ASAP1: variants seen among roughly 807,000 people sequenced by gnomAD.
ASAP1 encodes ArfGAP with SH3 domain, ankyrin repeat and PH domain 1.
Under a neutral mutation model 145.2 loss-of-function variants are expected in ASAP1, and 43 were observed. The ratio of observed to expected loss-of-function variants is 0.30; its 90% confidence interval spans 0.23 to 0.38. The LOEUF (loss-of-function observed/expected upper bound fraction) is 0.38. ASAP1 is among the 10% of genes least tolerant of loss of function. The probability of loss-of-function intolerance (pLI) is 1.00; values close to 1 mark genes in which losing one functional copy is unlikely to be tolerated. For synonymous variants in ASAP1, 546 were observed against 515.5 expected (o/e 1.06, Z -0.80); for missense variants, 1,018 against 1,355.3 (o/e 0.75, Z 3.91).
chr8:130,077,702 C>T (rs1313760083), intron 26 of ASAP1, among the ~76,000 whole-genome samples: 6 of 152,014 alleles, frequency 3.9e-5, no homozygotes, highest in African/African-American at 1.4e-4. Context: ...GCCAAACCAA[C>T]CAACAAAACA....
At position 130,197,717 on chromosome 8, in the gene ASAP1, T is replaced by C. The variant is rs539096036; in HGVS notation, c.406-9534A>G. 9.2e-5 allele frequency among the ~76,000 whole-genome samples: 14 copies of C among 152,248 alleles called. 1 individual carries two copies. In the South Asian group the frequency reaches 2.9e-3, roughly 31 times the overall value. ...ACCCTGTGGCAGATGCACCTGAATG[T>C]GTGTTCTGAGTTAGGGAATCCCAGG... On this transcript the variant is annotated intron_variant, in intron 5 of 29. Transcript: ENST00000518721.
At chr8:130,178,584 A>T (rs1175748164) in intron 9 of ASAP1, among the ~76,000 whole-genome samples, 1 of 152,248 alleles carries the variant, frequency 6.6e-6, no homozygotes, top group Non-Finnish European at 1.5e-5. Flanking sequence ...CTTATTTTAG[A>T]TGAAACAAAA....
intron 3 of ASAP1, among the ~76,000 whole-genome samples, chr8:130,285,065 TC>T (rs1301578972): frequency 6.6e-6 from 1 of 152,176 alleles, no homozygotes; most frequent in African/African-American, 2.4e-5. Context: ...TCCTAGTGGT[TC>T]CTTATAATTT....
chr8:130,130,408 T>C (rs928004519), intron 15 of ASAP1, among the ~76,000 whole-genome samples: 2 of 152,174 alleles, frequency 1.3e-5, no homozygotes, highest in African/African-American at 2.4e-5. Context: ...ATAAAGAAGT[T>C]TGTCATGATA....
intron 27 of ASAP1, among the ~76,000 whole-genome samples, chr8:130,061,294 G>A (rs1164300575): frequency 3.3e-5 from 5 of 152,072 alleles, no homozygotes; most frequent in Admixed American, 3.3e-4. Context: ...TATAAGAACA[G>A]GATGTCTACA....
chr8:130,074,756 G>C (rs1376043900), intron 27 of ASAP1, among the ~76,000 whole-genome samples: 1 of 152,248 alleles, frequency 6.6e-6, no homozygotes, highest in Non-Finnish European at 1.5e-5. Flanking sequence ...CTCCTAAGGA[G>C]AGGAGAGACA....
chr8:130,419,385 G>A (rs1026395133), intron 1 of ASAP1, among the ~76,000 whole-genome samples: 2 of 152,176 alleles, frequency 1.3e-5, no homozygotes, highest in African/African-American at 2.4e-5. Context: ...GGAGGTTTCT[G>A]AGAAAGCCCT....
intron 20 of ASAP1, among the ~76,000 whole-genome samples, 174 bp from the exon 21 acceptor site, chr8:130,117,169 A>G (rs1470312903): frequency 6.6e-6 from 1 of 152,258 alleles, no homozygotes; most frequent in African/African-American, 2.4e-5. Context: ...GATAACAGGC[A>G]GTATTTATTT....
chr8:130,392,025 C>G (rs1391891030), intron 2 of ASAP1, among the ~76,000 whole-genome samples: 1 of 152,224 alleles, frequency 6.6e-6, no homozygotes, highest in Admixed American at 6.5e-5. Context: ...ATCTATAGCA[C>G]TTACGTTCTG....
At chr8:130,181,423 T>G (rs367709413) in intron 7 of ASAP1, among the ~76,000 whole-genome samples, 1 of 152,340 alleles carries the variant, frequency 6.6e-6, no homozygotes, top group South Asian at 2.1e-4. Flanking sequence ...GTTGGAGACA[T>G]GAGGCTTTCC....
intron 3 of ASAP1, among the ~76,000 whole-genome samples, chr8:130,287,115 A>G (rs1034133167): frequency 5.3e-5 from 8 of 152,226 alleles, no homozygotes; most frequent in Non-Finnish European, 1.2e-4. Flanking sequence ...ACTGTTAAGC[A>G]GAATTATCTG....
intron 3 of ASAP1, among the ~76,000 whole-genome samples, chr8:130,273,904 C>T (rs749220063): frequency 6.6e-6 from 1 of 152,150 alleles, no homozygotes; most frequent in Non-Finnish European, 1.5e-5. Flanking sequence ...ACTCCCAAGA[C>T]TTGTTCAAAA....
At chr8:130,159,060 A>G (rs2097663766) in intron 12 of ASAP1, among the ~76,000 whole-genome samples, 1 of 151,974 alleles carries the variant, frequency 6.6e-6, no homozygotes, top group African/African-American at 2.4e-5. Context: ...AGACCACTCT[A>G]ATTGCTGTGT....
At chr8:130,070,722 G>C (rs1439045972) in intron 27 of ASAP1, among the ~76,000 whole-genome samples, 2 of 150,886 alleles carry the variant, frequency 1.3e-5, no homozygotes, top group African/African-American at 4.9e-5. Flanking sequence ...TAATGGGGAA[G>C]GCAGTGCCTA....
chr8:130,422,196 G>C (rs1265340230), intron 1 of ASAP1, among the ~76,000 whole-genome samples: 3 of 152,142 alleles, frequency 2.0e-5, no homozygotes, highest in Non-Finnish European at 4.4e-5. Context: ...GGAGGCCTGA[G>C]GGGGATGGGC....
chr8:130,279,483 T>TG (rs1821126460), intron 3 of ASAP1, among the ~76,000 whole-genome samples: 1 of 151,942 alleles, frequency 6.6e-6, no homozygotes, highest in African/African-American at 2.4e-5. Flanking sequence ...TTAAATGGAG[T>TG]GGGGGGAATG....
intron 22 of ASAP1, 96 bp downstream of exon 22, chr8:130,116,582 T>A: frequency 1.8e-6 from 2 of 1,103,424 alleles, no homozygotes; most frequent in Non-Finnish European, 2.7e-6. Flanking sequence ...TAAAAAAAAA[T>A]GAATCTGCAT....
intron 3 of ASAP1, among the ~76,000 whole-genome samples, chr8:130,275,871 C>G (rs1002881406): frequency 2.0e-5 from 3 of 152,102 alleles, no homozygotes; most frequent in Non-Finnish European, 4.4e-5. Context: ...CGGAGAACAA[C>G]AGAACTGGAG....
At chr8:130,142,373 A>T (rs918010441) in intron 13 of ASAP1, among the ~76,000 whole-genome samples, 2 of 152,232 alleles carry the variant, frequency 1.3e-5, no homozygotes, top group Non-Finnish European at 2.9e-5. Flanking sequence ...TTCTATTTTA[A>T]TATCTTCTTG....
Sources: allele counts gnomAD v4.1 joint callset (sites outside exome capture counted in the v4.1 genomes callset), GRCh38; gene constraint gnomAD v4.1.1; transcripts MANE v1.5; gene names NCBI Gene and HGNC (gene_info 2026-07-23, HGNC 2026-07-21).